LHFPL6: variants seen among roughly 807,000 people sequenced by gnomAD.
The protein encoded by LHFPL6 is LHFPL tetraspan subfamily member 6.
A neutral mutation model predicts 20.6 loss-of-function variants in LHFPL6; 9 were observed. The observed-to-expected ratio is 0.44, with a 90% CI of 0.26 to 0.76. The LOEUF (loss-of-function observed/expected upper bound fraction) is 0.76, where lower values mean the gene tolerates loss of function less well. Among genes scored for constraint, LHFPL6 ranks in the 30% least tolerant of loss-of-function variants. The probability of loss-of-function intolerance (pLI) is 0.20; values close to 1 mark genes in which losing one functional copy is unlikely to be tolerated. For synonymous variants in LHFPL6, 105 were observed against 98.7 expected, an observed-to-expected ratio of 1.06 and a Z score of -0.38; for missense variants, 218 against 253.5, an observed-to-expected ratio of 0.86 and a Z score of 0.95.
intron 2 of LHFPL6, among the ~76,000 whole-genome samples, chr13:39,559,694 C>T (rs1023796307): frequency 6.6e-6 from 1 of 152,106 alleles, no homozygotes; most frequent in Admixed American, 6.5e-5. Context: ...GTGAAAAGTA[C>T]GGATTATATT....
At chr13:39,497,324 G>T (rs934048125) in intron 2 of LHFPL6, among the ~76,000 whole-genome samples, 1 of 152,192 alleles carries the variant, frequency 6.6e-6, no homozygotes, top group Non-Finnish European at 1.5e-5. Flanking sequence ...AGAGAGGCAT[G>T]AAAGAGCTGA....
chr13:39,574,326 C>T (rs550208781), intron 2 of LHFPL6, among the ~76,000 whole-genome samples: 1 of 151,986 alleles, frequency 6.6e-6, no homozygotes, highest in Non-Finnish European at 1.5e-5. Flanking sequence ...ACTAAAAATA[C>T]AAAAAATTAG....
chr13:39,565,000 G>C (rs1055180279), intron 2 of LHFPL6, among the ~76,000 whole-genome samples: 8 of 152,156 alleles, frequency 5.3e-5, no homozygotes, highest in Non-Finnish European at 1.2e-4. Flanking sequence ...AGTGGCTCTG[G>C]ATGAGTGGCA....
intron 2 of LHFPL6, among the ~76,000 whole-genome samples, chr13:39,488,797 A>G (rs533116662): frequency 6.6e-6 from 1 of 152,350 alleles, no homozygotes; most frequent in African/African-American, 2.4e-5. Context: ...GATTTAAAAC[A>G]TCTTTAGATA....
intron 2 of LHFPL6, among the ~76,000 whole-genome samples, chr13:39,508,368 T>C (rs1250347846): frequency 6.6e-6 from 1 of 152,110 alleles, no homozygotes; most frequent in Non-Finnish European, 1.5e-5. Context: ...AGTACACAAT[T>C]GATAAATTTT....
chr13:39,450,105 T>G (rs913615769), intron 2 of LHFPL6, among the ~76,000 whole-genome samples: 3 of 152,218 alleles, frequency 2.0e-5, no homozygotes, highest in Admixed American at 2.0e-4. Flanking sequence ...TACCTAAAAA[T>G]ATTACAAATT....
intron 3 of LHFPL6, among the ~76,000 whole-genome samples, chr13:39,369,597 TCCTCCCTCTCTCCCTC>T (rs1870109895): frequency 1.1e-5 from 1 of 87,378 alleles, no homozygotes; most frequent in Non-Finnish European, 2.4e-5. Flanking sequence ...CTTCCTTCCT[TCCTCCCTCTCTCCCTC>T]CCTTCCTTCC....
chr13:39,548,781 G>A lies in LHFPL6; in HGVS notation c.385+52051C>T, dbSNP rs371059066. Among the ~76,000 whole-genome samples the A allele has an allele frequency of 1.2e-4, 18 of 152,164 alleles. No individual in the cohort carries two copies. In the South Asian group the frequency reaches 2.1e-3, roughly 18 times the overall value. Reference sequence around the variant, plus strand: ...TAAGGCAGGGAAAGTGTAAAGTGAGGCCTGGAACACCTTGTTGTTCTAGAA... The same window carrying A: ...TAAGGCAGGGAAAGTGTAAAGTGAGACCTGGAACACCTTGTTGTTCTAGAA... On this transcript the variant is annotated intron_variant, in intron 2 of 3. Coordinates refer to ENST00000379589, the MANE Select transcript of LHFPL6 (RefSeq NM_005780.3).
intron 2 of LHFPL6, among the ~76,000 whole-genome samples, chr13:39,592,919 A>G (rs1298832817): frequency 6.6e-6 from 1 of 152,246 alleles, no homozygotes; most frequent in Non-Finnish European, 1.5e-5. Flanking sequence ...AAAAAATTCA[A>G]CAACCCTTCA....
At chr13:39,560,504 CTTTTTT>C (rs376446144) in intron 2 of LHFPL6, among the ~76,000 whole-genome samples, 6 of 118,176 alleles carry the variant, frequency 5.1e-5, no homozygotes, top group South Asian at 5.9e-4. Flanking sequence ...TGCAAATTCT[CTTTTTT>C]TTTTTTTTTT....
intron 2 of LHFPL6, among the ~76,000 whole-genome samples, chr13:39,508,446 T>C (rs1000206896): frequency 1.3e-5 from 2 of 152,214 alleles, no homozygotes; most frequent in African/African-American, 4.8e-5. Flanking sequence ...CCTGATCACA[T>C]TTCCTCATAC....
chr13:39,519,108 C>T (rs773107266), intron 2 of LHFPL6, among the ~76,000 whole-genome samples: 10 of 152,032 alleles, frequency 6.6e-5, no homozygotes, highest in Non-Finnish European at 1.2e-4. Context: ...TGGTGGTGAG[C>T]GCCTGTAATC....
At chr13:39,508,436 C>A (rs1459707087) in intron 2 of LHFPL6, among the ~76,000 whole-genome samples, 1 of 152,192 alleles carries the variant, frequency 6.6e-6, no homozygotes. Flanking sequence ...ATATCTATTA[C>A]CTGATCACAT....
chr13:39,473,655 A>G (rs1436441171), intron 2 of LHFPL6, among the ~76,000 whole-genome samples: 1 of 152,176 alleles, frequency 6.6e-6, no homozygotes, highest in Non-Finnish European at 1.5e-5. Flanking sequence ...AGTCCCCCTC[A>G]GTTTCTACAG....
At chr13:39,555,319 C>T (rs1327598075) in intron 2 of LHFPL6, among the ~76,000 whole-genome samples, 1 of 150,334 alleles carries the variant, frequency 6.7e-6, no homozygotes, top group East Asian at 1.9e-4. Context: ...AGAGCTCTCC[C>T]CGCCCTTTTT....
At chr13:39,367,585 G>T (rs1870045088) in intron 3 of LHFPL6, among the ~76,000 whole-genome samples, 1 of 152,186 alleles carries the variant, frequency 6.6e-6, no homozygotes. Flanking sequence ...GGGAGGTGAG[G>T]TCTAGAGTTC....
intron 2 of LHFPL6, among the ~76,000 whole-genome samples, chr13:39,442,755 T>C (rs1380164618): frequency 2.0e-5 from 3 of 152,322 alleles, no homozygotes; most frequent in African/African-American, 7.2e-5. Flanking sequence ...TCTCCCTCTT[T>C]TGGACTTCTC....
chr13:39,550,344 T>C (rs1164146088), intron 2 of LHFPL6, among the ~76,000 whole-genome samples: 2 of 152,042 alleles, frequency 1.3e-5, no homozygotes, highest in African/African-American at 2.4e-5. Flanking sequence ...GGGTTACACA[T>C]TTGTACGTGC....
intron 2 of LHFPL6, among the ~76,000 whole-genome samples, chr13:39,381,186 T>C (rs759188806): frequency 7.9e-5 from 12 of 152,164 alleles, no homozygotes; most frequent in Non-Finnish European, 1.8e-4. Flanking sequence ...ACCTGACAAG[T>C]AAATGAAAAA....
Sources: allele counts gnomAD v4.1 joint callset (sites outside exome capture counted in the v4.1 genomes callset), GRCh38; gene constraint gnomAD v4.1.1; transcripts MANE v1.5; gene names NCBI Gene and HGNC (gene_info 2026-07-23, HGNC 2026-07-21).